Variants in VPS37A observed in about 807,000 individuals in gnomAD.
VPS37A encodes vacuolar protein sorting-associated protein 37A.
VPS37A carries 30 observed loss-of-function variants against 49.8 expected under a neutral mutation model. The observed-to-expected ratio is 0.60, with a 90% CI of 0.45 to 0.82. VPS37A has a LOEUF of 0.82. Ranked by LOEUF, VPS37A falls within the 40% of genes least tolerant of loss-of-function variation. The probability of loss-of-function intolerance (pLI) is 0.00; values close to 1 mark genes in which losing one functional copy is unlikely to be tolerated. For missense variants in VPS37A, 593 were observed against 464.4 expected (o/e 1.28, Z -2.55); for synonymous variants, 195 against 160.6 (o/e 1.21, Z -1.62).
the VPS37A span, among the ~76,000 whole-genome samples, chr8:17,314,485 T>C: frequency 1.3e-5 from 2 of 152,204 alleles, no homozygotes; most frequent in African/African-American, 4.8e-5. Flanking sequence ...TTCAACTTTG[T>C]GAACTCTTTG....
intron 9 of VPS37A, among the ~76,000 whole-genome samples, chr8:17,281,962 A>T (rs555882950): frequency 6.6e-6 from 1 of 152,210 alleles, no homozygotes; most frequent in East Asian, 1.9e-4. Flanking sequence ...AAAAGATTTC[A>T]TTCTCCCCAA....
chr8:17,300,693 G>C (rs938380538), downstream of VPS37A, among the ~76,000 whole-genome samples: 2 of 152,124 alleles, frequency 1.3e-5, no homozygotes, highest in Non-Finnish European at 2.9e-5. Flanking sequence ...GTTGTGCAAC[G>C]ATCACTACTA....
At chr8:17,247,619 T>C (rs907403713) in intron 1 of VPS37A, 11 of 705,860 alleles carry the variant, frequency 1.6e-5, no homozygotes, top group Middle Eastern at 4.5e-4. Flanking sequence ...TCCTGACACA[T>C]AGCTGCTGAC....
chr8:17,291,978 T>A (rs1054297062), intron 11 of VPS37A, among the ~76,000 whole-genome samples: 2 of 152,228 alleles, frequency 1.3e-5, no homozygotes, highest in Admixed American at 6.5e-5. Context: ...TCTGTAGATG[T>A]CTATTAGTTC....
intron 11 of VPS37A, among the ~76,000 whole-genome samples, chr8:17,293,765 G>A (rs1816359451): frequency 1.3e-5 from 2 of 152,112 alleles, no homozygotes; most frequent in African/African-American, 2.4e-5. Context: ...TGTTTGCCTG[G>A]GTATCACCAG....
downstream of VPS37A, chr8:17,304,595 G>T: frequency 2.0e-6 from 3 of 1,466,872 alleles, no homozygotes; most frequent in South Asian, 1.2e-5. Context: ...ATTAATGCTG[G>T]AAAGGAACTA....
At chr8:17,316,495 C>G in the VPS37A span, among the ~76,000 whole-genome samples, 1 of 150,960 alleles carries the variant, frequency 6.6e-6, no homozygotes, top group Admixed American at 6.6e-5. Context: ...CTACAGTCTC[C>G]TTGTGGAAAG....
chr8:17,328,291 T>G, the VPS37A span, among the ~76,000 whole-genome samples: 4 of 152,132 alleles, frequency 2.6e-5, no homozygotes. Flanking sequence ...TCCATACACC[T>G]TTCCACCTTC....
intron 1 of VPS37A, among the ~76,000 whole-genome samples, chr8:17,260,664 T>G (rs529278697): frequency 1.0e-3 from 155 of 152,224 alleles, no homozygotes; most frequent in Non-Finnish European, 1.9e-3. Flanking sequence ...CTCCATGCTT[T>G]TATTTATGTG....
downstream of VPS37A, chr8:17,299,512 G>A: frequency 5.0e-6 from 1 of 200,126 alleles, no homozygotes; most frequent in South Asian, 1.1e-4. Context: ...CAGATGTGAG[G>A]GAAAGGAGTG....
At chr8:17,263,952 C>G (rs2150367949) in intron 1 of VPS37A, among the ~76,000 whole-genome samples, 1 of 152,188 alleles carries the variant, frequency 6.6e-6, no homozygotes, top group Non-Finnish European at 1.5e-5. Context: ...AAAAGACAAA[C>G]AAAAAACTTT....
intron 4 of VPS37A, among the ~76,000 whole-genome samples, chr8:17,270,827 G>T (rs1052797033): frequency 3.3e-5 from 5 of 152,124 alleles, no homozygotes; most frequent in Non-Finnish European, 5.9e-5. Flanking sequence ...TCATATTGTA[G>T]AATCAGGCTT....
At chr8:17,267,509 T>C (rs781381684) in intron 2 of VPS37A, among the ~76,000 whole-genome samples, 1 of 152,098 alleles carries the variant, frequency 6.6e-6, no homozygotes, top group African/African-American at 2.4e-5. Flanking sequence ...GTTCTTTACG[T>C]GAAACCATGT....
At chr8:17,261,806 A>C (rs567894862) in intron 1 of VPS37A, among the ~76,000 whole-genome samples, 5 of 152,302 alleles carry the variant, frequency 3.3e-5, no homozygotes, top group African/African-American at 9.6e-5. Context: ...TTTCTGTGGA[A>C]TATATCTCCT....
At chr8:17,254,392 C>A (rs577176272) in intron 1 of VPS37A, among the ~76,000 whole-genome samples, 1 of 152,134 alleles carries the variant, frequency 6.6e-6, no homozygotes, top group African/African-American at 2.4e-5. Context: ...TATTTACCAG[C>A]AACAAGCTGG....
rs1816685449 is a variant in VPS37A, at chr8:17,296,851, AC to A, written c.*1867del. On this transcript the variant is annotated 3_prime_UTR_variant, in exon 12 of 12. Transcript: ENST00000324849. ...TTGAACTATCCCAGTTTCATTCTAT[AC>A]CATTCATTGGATAACCTTGTTACAA... is the stretch of plus-strand genomic sequence containing the variant. The A allele has an allele frequency of 6.6e-6, 1 of 152,186 alleles. No individual in the cohort carries two copies. The highest frequency in any genetic ancestry group is 1.5e-5 in the Non-Finnish European group (1 of 68,018). 9.4% of individuals were successfully genotyped at this position (152,186 alleles called of 1,614,324 possible).
chr8:17,309,252 C>G, the VPS37A span: 1 of 1,427,608 alleles, frequency 7.0e-7, no homozygotes, highest in South Asian at 1.2e-5. Flanking sequence ...TCTAAACATT[C>G]AAAACAGTCT....
In VPS37A at chr8:17,280,242, A is replaced by T; in HGVS notation, c.845A>T (p.Lys282Ile). The stretch of plus-strand genomic sequence containing the variant: ...AAACTAGAGATTTATCTTACAGGAA[A>T]AAATCTCCTTTTGGAGCCCAGCTTG... The part of the protein sequence containing the change: ...LVKSIEELAR[K>I]NLLLEPSLEA... Residue 282 changes from lysine to isoleucine, a missense_variant, in exon 8 of 12, where the codon AAA becomes ATA. Physicochemically the swap from Lys to Ile is moderately radical, Grantham distance 102 (BLOSUM62 -3). Transcript: ENST00000324849. 1 of 1,612,726 alleles carries T rather than the reference A, an allele frequency of 6.2e-7. No individual in the cohort carries two copies. Among genetic ancestry groups the T allele is most frequent in the Non-Finnish European group, 8.5e-7 (1 of 1,179,296 alleles).
the VPS37A span, chr8:17,331,145 T>C: frequency 7.0e-5 from 112 of 1,610,114 alleles, no homozygotes; most frequent in Non-Finnish European, 8.9e-5. Context: ...AAGGAAATGG[T>C]TTACCTTCCA....
Sources: allele counts gnomAD v4.1 joint callset (sites outside exome capture counted in the v4.1 genomes callset), GRCh38; gene constraint gnomAD v4.1.1; transcripts MANE v1.5; gene names NCBI Gene and HGNC (gene_info 2026-07-23, HGNC 2026-07-21).